The following TRABD2A variants were observed in gnomAD, a reference collection of about 807,000 sequenced individuals.
TRABD2A encodes the protein TraB domain containing 2A, also known as metalloprotease TIKI1.
In TRABD2A, 43 loss-of-function variants were observed where a neutral mutation model predicts 45.6. The observed-to-expected ratio is 0.94, with a 90% CI of 0.74 to 1.22. The LOEUF (loss-of-function observed/expected upper bound fraction) is 1.22, where lower values mean the gene tolerates loss of function less well. Among genes scored for constraint, TRABD2A ranks in the 50% most tolerant of loss-of-function variants. The pLI, the probability that TRABD2A is intolerant of heterozygous loss-of-function variation, is 0.00. For missense variants in TRABD2A, 642 were observed against 652.4 expected (o/e 0.98, Z 0.17); for synonymous variants, 269 against 265.0 (o/e 1.02, Z -0.15).
chr2:84,865,980 T>C (rs909913606), intron 2 of TRABD2A, among the ~76,000 whole-genome samples: 16 of 151,972 alleles, frequency 1.1e-4, no homozygotes, highest in Non-Finnish European at 1.6e-4. Flanking sequence ...AGAACAGGAG[T>C]CATAACTTGA....
intron 1 of TRABD2A, among the ~76,000 whole-genome samples, chr2:84,876,579 G>A (rs1265278194): frequency 1.3e-5 from 2 of 152,202 alleles, no homozygotes; most frequent in East Asian, 1.9e-4. Context: ...TTAGTGGTGT[G>A]GTGGGAGCAA....
intron 5 of TRABD2A, among the ~76,000 whole-genome samples, chr2:84,825,851 G>A (rs899341047): frequency 6.6e-6 from 1 of 152,138 alleles, no homozygotes; most frequent in Non-Finnish European, 1.5e-5. Context: ...AAACCCTGTT[G>A]TGAATTGTGT....
chr2:84,845,749 T>G (rs1681874659), intron 2 of TRABD2A, among the ~76,000 whole-genome samples: 1 of 152,230 alleles, frequency 6.6e-6, no homozygotes, highest in African/African-American at 2.4e-5. Flanking sequence ...GTCACAGTAC[T>G]AAATGATCCT....
intron 2 of TRABD2A, among the ~76,000 whole-genome samples, 174 bp from the exon 3 acceptor site, chr2:84,842,181 A>T (rs1346537387): frequency 6.6e-6 from 1 of 152,242 alleles, no homozygotes; most frequent in Non-Finnish European, 1.5e-5. Context: ...AGAAAAGGAG[A>T]ACAGTCCTTC....
intron 2 of TRABD2A, among the ~76,000 whole-genome samples, chr2:84,863,868 G>A (rs1453195156): frequency 1.3e-5 from 2 of 152,114 alleles, no homozygotes; most frequent in Non-Finnish European, 2.9e-5. Flanking sequence ...TTCTCTTTCA[G>A]AAAGTTCACA....
chr2:84,824,149 T>A lies in TRABD2A; in HGVS notation c.1138A>T (p.Lys380Ter). 6.2e-7 allele frequency: 1 copy of A among 1,613,978 alleles called. No individual in the cohort carries two copies. Among genetic ancestry groups the A allele is most frequent in the Non-Finnish European group, 8.5e-7 (1 of 1,179,888 alleles). The stretch of plus-strand genomic sequence containing the variant: ...GCCGGTACTTCCAGGGTAGGGACTT[T>A]TGGAGCAAAGATGGTGGACAGAGTG... ...RPTLSTIFAP[K>*]VPTLEVPAPE... Residue 380 changes from lysine (K) to a stop codon, truncating the protein, a stop_gained, in exon 6 of 7, where the codon AAA (lysine) becomes TAA (stop). Coordinates refer to ENST00000409520, the MANE Select transcript of TRABD2A (RefSeq NM_001277053.2). LOFTEE classifies it high-confidence loss of function.
intron 2 of TRABD2A, among the ~76,000 whole-genome samples, chr2:84,863,803 G>T (rs1050218351): frequency 6.6e-6 from 1 of 151,884 alleles, no homozygotes; most frequent in Non-Finnish European, 1.5e-5. Context: ...AGTAGAGACG[G>T]GGTTTCACCG....
chr2:84,860,515 G>T (rs1034496353), intron 2 of TRABD2A, among the ~76,000 whole-genome samples: 4 of 152,196 alleles, frequency 2.6e-5, no homozygotes, highest in African/African-American at 7.2e-5. Context: ...CTAGAATCAT[G>T]AGGCCGACAC....
intron 2 of TRABD2A, among the ~76,000 whole-genome samples, chr2:84,855,775 G>T (rs1356567117): frequency 6.6e-6 from 1 of 151,982 alleles, no homozygotes; most frequent in African/African-American, 2.4e-5. Context: ...CCTGAGACTT[G>T]TTCAGCTGTG....
intron 1 of TRABD2A, among the ~76,000 whole-genome samples, chr2:84,878,986 G>A (rs906247954): frequency 3.3e-5 from 5 of 152,130 alleles, no homozygotes; most frequent in Admixed American, 3.3e-4. Flanking sequence ...GAGTCTATAA[G>A]GTCAAAACTG....
chr2:84,860,375 C>A (rs910113786), intron 2 of TRABD2A, among the ~76,000 whole-genome samples: 1 of 152,096 alleles, frequency 6.6e-6, no homozygotes, highest in Non-Finnish European at 1.5e-5. Flanking sequence ...GAAGAGGAGA[C>A]TAGGTCACAG....
rs74726700 is a variant in TRABD2A at position 84,846,948 on chromosome 2, G to T, written c.670-4941C>A. Among the ~76,000 whole-genome samples the T allele has an allele frequency of 3.5e-3, 535 of 152,336 alleles. 3 individuals carry two copies. The highest frequency in any genetic ancestry group is 0.012 in the African/African-American group (485 of 41,562). On this transcript the variant is annotated intron_variant, in intron 2 of 6. Coordinates refer to ENST00000409520, the MANE Select transcript of TRABD2A (RefSeq NM_001277053.2). Reference sequence around the variant, plus strand: ...GCTATCCAGCTGTCCCACTCCAGATGGCAGCCCTTTATCACCTGCACTGCC... The same window carrying T: ...GCTATCCAGCTGTCCCACTCCAGATTGCAGCCCTTTATCACCTGCACTGCC...
rs753158730 is a variant in TRABD2A at position 84,870,349 on chromosome 2, G to T, written c.545C>A (p.Ser182Tyr). The part of the protein sequence containing the change: ...VNSLTEVDIK[S>Y]RGVPVLDLFL... ...CAGGTCTAAGACAGGCACTCCACGG[G>T]ACTTAATGTCCACTTCAGTCAGGGA... The change falls in exon 2 of 7, where the codon TCC (serine) becomes TAC (tyrosine). Residue 182 changes from serine to tyrosine, a missense_variant. Coordinates refer to ENST00000409520, the MANE Select transcript of TRABD2A (RefSeq NM_001277053.2). 7 of 1,613,890 alleles carry T rather than the reference G, an allele frequency of 4.3e-6. No homozygotes were observed. Among genetic ancestry groups the T allele is most frequent in the Middle Eastern group, 1.6e-4 (1 of 6,084 alleles).
At chr2:84,870,158 C>T in intron 2 of TRABD2A, 67 bp downstream of exon 2, 1 of 1,464,840 alleles carries the variant, frequency 6.8e-7, no homozygotes, top group Admixed American at 2.0e-5. Context: ...ATCACCTGCC[C>T]TGAAACTCAA....
rs374451499 is a variant in TRABD2A, at chr2:84,866,833, G to A, written c.669+3392C>T. ...GGTGTGGCGGCTCACGCCTGTAATCGCAGCACTTTGGGAGACTGAGGCAGG... is the reference window on the plus strand; with the variant it reads ...GGTGTGGCGGCTCACGCCTGTAATCACAGCACTTTGGGAGACTGAGGCAGG... On this transcript the variant is annotated intron_variant, in intron 2 of 6. Coordinates refer to ENST00000409520, the MANE Select transcript of TRABD2A (RefSeq NM_001277053.2). Among the ~76,000 whole-genome samples the A allele has an allele frequency of 1.8e-4, 27 of 152,232 alleles. No homozygotes were observed. The East Asian group carries it at 4.5e-3, about 25-fold the overall frequency.
At chr2:84,850,249 A>G (rs1682034830) in intron 2 of TRABD2A, among the ~76,000 whole-genome samples, 1 of 152,224 alleles carries the variant, frequency 6.6e-6, no homozygotes, top group African/African-American at 2.4e-5. Context: ...GTGGAATATT[A>G]GAACTCTGAG....
rs577409519 is a variant in TRABD2A at position 84,846,707 on chromosome 2, G to A, written c.670-4700C>T. 2.6e-5 allele frequency among the ~76,000 whole-genome samples: 4 copies of A among 152,362 alleles called. No homozygotes were observed. In the South Asian group the frequency reaches 6.2e-4, roughly 24 times the overall value. On this transcript the variant is annotated intron_variant, in intron 2 of 6. Transcript: ENST00000409520. ...CCTCCTTCGCTGGCTTAGCTGAGAT[G>A]TGGGGAAGTCTCTGGGGCACTGTTT... is the stretch of plus-strand genomic sequence containing the variant.
At chr2:84,865,680 T>C (rs2105404200) in intron 2 of TRABD2A, among the ~76,000 whole-genome samples, 1 of 152,260 alleles carries the variant, frequency 6.6e-6, no homozygotes, top group Non-Finnish European at 1.5e-5. Flanking sequence ...GTCCGATCAC[T>C]TGGTGGGGAA....
intron 2 of TRABD2A, among the ~76,000 whole-genome samples, chr2:84,859,553 T>C (rs1001604042): frequency 6.6e-6 from 1 of 152,234 alleles, no homozygotes; most frequent in African/African-American, 2.4e-5. Context: ...ATTGGTGGTA[T>C]GGACAGCAGA....
Sources: gnomAD v4.1 joint callset for allele counts (sites outside exome capture counted in the v4.1 genomes callset) on GRCh38, gnomAD v4.1.1 for gene constraint, MANE v1.5 for transcripts, NCBI Gene and HGNC (gene_info 2026-07-23, HGNC 2026-07-21) for gene names.